The following OSBPL10 variants were observed in gnomAD, a reference collection of about 807,000 sequenced individuals.
OSBPL10 encodes oxysterol binding protein like 10.
A neutral mutation model predicts 81.7 loss-of-function variants in OSBPL10; 49 were observed. That is an observed-to-expected ratio of 0.60 (90% CI 0.48 to 0.76). The LOEUF is 0.76. OSBPL10 is among the 30% of genes least tolerant of loss of function. The pLI is 0.00. For synonymous variants in OSBPL10, 419 were observed against 383.6 expected, an observed-to-expected ratio of 1.09 and a Z score of -1.08; for missense variants, 923 against 987.8, an observed-to-expected ratio of 0.93 and a Z score of 0.88.
intron 1 of OSBPL10, among the ~76,000 whole-genome samples, chr3:31,973,605 C>T (rs2125495333): frequency 6.6e-6 from 1 of 152,322 alleles, no homozygotes; most frequent in Middle Eastern, 3.4e-3. Context: ...AAGGACTACA[C>T]AGCTTCTCCC....
intron 4 of OSBPL10, among the ~76,000 whole-genome samples, chr3:31,819,224 G>A (rs777742981): frequency 3.0e-4 from 45 of 152,188 alleles, no homozygotes; most frequent in Middle Eastern, 3.2e-3. Context: ...GGCCTACCCA[G>A]GCTGACAAAC....
chr3:31,796,486 T>TCAAA (rs2125438948), intron 4 of OSBPL10, among the ~76,000 whole-genome samples: 1 of 152,296 alleles, frequency 6.6e-6, no homozygotes, highest in South Asian at 2.1e-4. Flanking sequence ...TGGATTTTGG[T>TCAAA]ATCTGAAGTG....
At chr3:31,707,949 A>G (rs1203977909) in intron 6 of OSBPL10, among the ~76,000 whole-genome samples, 2 of 152,064 alleles carry the variant, frequency 1.3e-5, no homozygotes, top group Non-Finnish European at 2.9e-5. Context: ...GACTGGAGAG[A>G]TTGGAAGAGT....
At chr3:31,676,950 C>T (rs900682675) in intron 8 of OSBPL10, among the ~76,000 whole-genome samples, 12 of 152,224 alleles carry the variant, frequency 7.9e-5, no homozygotes, top group African/African-American at 2.6e-4. Context: ...CTGGGGTCAA[C>T]GTGAGTGAAT....
At chr3:31,709,576 T>C (rs1165692715) in intron 6 of OSBPL10, among the ~76,000 whole-genome samples, 7 of 151,338 alleles carry the variant, frequency 4.6e-5, no homozygotes, top group African/African-American at 1.7e-4. Context: ...TATTTTTAAA[T>C]GAAAGGGAAA....
rs188388324 is a variant in OSBPL10, at chr3:32,058,435, C to G, written n.186-11832G>C. On this transcript the variant is annotated intron_variant and non_coding_transcript_variant, in intron 1 of 3. Transcript: ENST00000479173. ...CTCTGCCTCTTGGGTTCAAGCAATT[C>G]TCCTGCCTCAGTTTCCTGAGTAATT... Among the ~76,000 whole-genome samples, 9 of 152,232 alleles carry G rather than the reference C, an allele frequency of 5.9e-5. No homozygotes were observed. The East Asian group carries it at 1.7e-3, about 29-fold the overall frequency.
intron 2 of OSBPL10, among the ~76,000 whole-genome samples, chr3:32,015,340 T>C (rs1699303379): frequency 6.6e-6 from 1 of 152,156 alleles, no homozygotes; most frequent in Non-Finnish European, 1.5e-5. Context: ...TAATAAGAAA[T>C]GGGGAAATGA....
At chr3:32,039,180 G>A (rs923391105) in intron 2 of OSBPL10, among the ~76,000 whole-genome samples, 1 of 151,088 alleles carries the variant, frequency 6.6e-6, no homozygotes, top group African/African-American at 2.4e-5. Flanking sequence ...AGAAAAATTA[G>A]CTGGGCATGG....
intron 4 of OSBPL10, among the ~76,000 whole-genome samples, chr3:31,751,962 G>A (rs1419291578): frequency 6.6e-6 from 1 of 152,218 alleles, no homozygotes; most frequent in East Asian, 1.9e-4. Context: ...CACTGATGAA[G>A]ACTCTTCATC....
chr3:31,724,427 C>T (rs187032143), intron 6 of OSBPL10, among the ~76,000 whole-genome samples: 23 of 152,218 alleles, frequency 1.5e-4, no homozygotes, highest in South Asian at 6.2e-4. Context: ...CCTAAGGCCG[C>T]TCCCAAAGAC....
chr3:31,819,442 A>G (rs1699928233), intron 4 of OSBPL10, among the ~76,000 whole-genome samples: 1 of 152,248 alleles, frequency 6.6e-6, no homozygotes, highest in African/African-American at 2.4e-5. Context: ...AAGGACTGGA[A>G]CTGAGGTCGC....
intron 1 of OSBPL10, among the ~76,000 whole-genome samples, chr3:31,920,921 C>T (rs1049391029): frequency 6.6e-6 from 1 of 152,150 alleles, no homozygotes; most frequent in African/African-American, 2.4e-5. Flanking sequence ...GAAGCAGATA[C>T]CGGCACTATG....
chr3:31,888,690 G>C (rs1695807660), intron 1 of OSBPL10, among the ~76,000 whole-genome samples: 1 of 152,190 alleles, frequency 6.6e-6, no homozygotes, highest in African/African-American at 2.4e-5. Flanking sequence ...GGAGGCTGAG[G>C]TGGGCAGATC....
intron 4 of OSBPL10, among the ~76,000 whole-genome samples, chr3:31,774,340 T>C (rs1285717592): frequency 6.6e-6 from 1 of 151,954 alleles, no homozygotes; most frequent in East Asian, 1.9e-4. Context: ...TCCAATAAAT[T>C]GACTTTAGAG....
At chr3:31,754,457 G>A (rs977697189) in intron 4 of OSBPL10, among the ~76,000 whole-genome samples, 6 of 152,030 alleles carry the variant, frequency 3.9e-5, no homozygotes, top group Non-Finnish European at 7.4e-5. Flanking sequence ...AGATGACAAT[G>A]TTACAAAGAA....
intron 2 of OSBPL10, among the ~76,000 whole-genome samples, chr3:32,012,963 A>G (rs1699274902): frequency 6.6e-6 from 1 of 152,186 alleles, no homozygotes; most frequent in African/African-American, 2.4e-5. Flanking sequence ...GAGACCTACA[A>G]AGAGACTTAA....
intron 1 of OSBPL10, among the ~76,000 whole-genome samples, chr3:31,936,226 C>T (rs2125730084): frequency 6.6e-6 from 1 of 152,264 alleles, no homozygotes; most frequent in African/African-American, 2.4e-5. Context: ...TTTATTCTCT[C>T]TTACATTCTT....
intron 2 of OSBPL10, among the ~76,000 whole-genome samples, chr3:32,004,281 T>C (rs1699181962): frequency 2.6e-5 from 4 of 152,028 alleles, no homozygotes; most frequent in African/African-American, 9.7e-5. Context: ...CTGAGGGCAG[T>C]GTGGACCTGG....
intron 4 of OSBPL10, among the ~76,000 whole-genome samples, chr3:31,755,538 G>A (rs1377026737): frequency 2.0e-5 from 3 of 152,116 alleles, no homozygotes; most frequent in Non-Finnish European, 2.9e-5. Context: ...TCATTATTGA[G>A]GCTGACCGTC....
Sources: allele counts gnomAD v4.1 joint callset (sites outside exome capture counted in the v4.1 genomes callset), GRCh38; gene constraint gnomAD v4.1.1; transcripts MANE v1.5; gene names NCBI Gene and HGNC (gene_info 2026-07-23, HGNC 2026-07-21).